TXNDC16: variants seen among roughly 807,000 people sequenced by gnomAD.
TXNDC16 encodes thioredoxin domain containing 16.
TXNDC16 carries 74 observed loss-of-function variants against 85.6 expected under a neutral mutation model. The ratio of observed to expected loss-of-function variants is 0.86; its 90% CI spans 0.72 to 1.05. The LOEUF (loss-of-function observed/expected upper bound fraction) is 1.05. Among genes scored for constraint, TXNDC16 ranks in the 50% least tolerant of loss-of-function variants. The pLI, the probability that TXNDC16 is intolerant of heterozygous loss-of-function variation, is 0.00. For synonymous variants in TXNDC16, 335 were observed against 326.5 expected, an observed-to-expected ratio of 1.03 and a Z score of -0.28; for missense variants, 959 against 947.0, an observed-to-expected ratio of 1.01 and a Z score of -0.17.
intron 7 of TXNDC16, among the ~76,000 whole-genome samples, chr14:52,518,688 A>T (rs2037140347): frequency 6.6e-6 from 1 of 152,156 alleles, no homozygotes; most frequent in Non-Finnish European, 1.5e-5. Context: ...AAGTTAGTCA[A>T]CATTATTTAC....
At chr14:52,455,264 C>A in intron 18 of TXNDC16, 60 bp downstream of exon 18, 1 of 1,585,928 alleles carries the variant, frequency 6.3e-7, no homozygotes, top group Non-Finnish European at 8.6e-7. Flanking sequence ...TGAACATATA[C>A]TACCTTTGAC....
intron 14 of TXNDC16, among the ~76,000 whole-genome samples, chr14:52,479,736 A>G (rs2036103479): frequency 6.6e-6 from 1 of 152,096 alleles, no homozygotes; most frequent in South Asian, 2.1e-4. Flanking sequence ...TGTGAAAATG[A>G]CCATACTGCC....
intron 5 of TXNDC16, among the ~76,000 whole-genome samples, chr14:52,537,291 T>C (rs1433339155): frequency 1.3e-5 from 2 of 152,162 alleles, no homozygotes; most frequent in Non-Finnish European, 2.9e-5. Context: ...CACACCCAAA[T>C]GTGGACCTGA....
chr14:52,497,044 T>C (rs557228115), intron 9 of TXNDC16, among the ~76,000 whole-genome samples: 133 of 152,166 alleles, frequency 8.7e-4, no homozygotes, highest in African/African-American at 2.7e-3. Flanking sequence ...TAGAAATTAG[T>C]ATAAGAGTAG....
rs1041847901 is a variant in TXNDC16, at chr14:52,432,515, G to A, written c.2267C>T (p.Thr756Ile). 2 of 1,613,854 alleles carry A rather than the reference G, an allele frequency of 1.2e-6. No individual in the cohort carries two copies. Among genetic ancestry groups the A allele is most frequent in the Middle Eastern group, 1.6e-4 (1 of 6,080 alleles). ...AACTTTCCTAGTGCCACGTTGAGAT[G>A]TTGCGGCATCTATCATACTTAGAAA... ...YDFLSMIDAA[T>I]SQRGTRKVPK... The change falls in exon 21 of 21, where the codon ACA (threonine) becomes ATA (isoleucine). Residue 756 changes from threonine (T) to isoleucine (I), a missense_variant. By Grantham distance (89) the Thr-to-Ile change is moderately conservative. Transcript: ENST00000281741.
chr14:52,456,752 A>G (rs1015902862), intron 17 of TXNDC16, among the ~76,000 whole-genome samples: 1 of 152,190 alleles, frequency 6.6e-6, no homozygotes, highest in Non-Finnish European at 1.5e-5. Flanking sequence ...GGGGGTAAAT[A>G]AAACCTCAGA....
intron 8 of TXNDC16, among the ~76,000 whole-genome samples, chr14:52,511,631 T>C (rs1430708110): frequency 1.3e-5 from 2 of 152,162 alleles, no homozygotes; most frequent in African/African-American, 4.8e-5. Flanking sequence ...TTTTTTTGCT[T>C]ACCTCTTTAA....
intron 16 of TXNDC16, among the ~76,000 whole-genome samples, chr14:52,460,183 T>C (rs2035620944): frequency 1.3e-5 from 2 of 152,138 alleles, no homozygotes; most frequent in South Asian, 4.1e-4. Context: ...GAGACCAGCC[T>C]GGGTAACACG....
At chr14:52,506,335 G>A (rs1270738113) in intron 9 of TXNDC16, among the ~76,000 whole-genome samples, 2 of 152,022 alleles carry the variant, frequency 1.3e-5, no homozygotes, top group African/African-American at 4.8e-5. Context: ...ATAAAATACT[G>A]GCAAACCAAA....
rs148298704 is a variant in TXNDC16 at position 52,436,824 on chromosome 14, C to T, written c.2194+2380G>A. 3.6e-3 allele frequency among the ~76,000 whole-genome samples: 543 copies of T among 151,880 alleles called. 1 individual carries two copies. Among genetic ancestry groups the T allele is most frequent in the Non-Finnish European group, 5.2e-3 (352 of 67,956 alleles). On this transcript the variant is annotated intron_variant, in intron 20 of 20. Coordinates refer to ENST00000281741, the MANE Select transcript of TXNDC16 (RefSeq NM_020784.3). ...ACCAGAGTGTATGTGTATATACATA[C>T]GTACACACATACATACATATTTACA...
intron 16 of TXNDC16, among the ~76,000 whole-genome samples, chr14:52,459,246 G>A (rs939848165): frequency 6.6e-6 from 1 of 151,970 alleles, no homozygotes; most frequent in Admixed American, 6.6e-5. Flanking sequence ...CTGTCAGCAG[G>A]GAGAGCTGAG....
At chr14:52,502,918 G>C (rs1046057370) in intron 9 of TXNDC16, among the ~76,000 whole-genome samples, 2 of 152,226 alleles carry the variant, frequency 1.3e-5, no homozygotes, top group Non-Finnish European at 2.9e-5. Flanking sequence ...TGGCACACAA[G>C]GAGATTATAT....
At chr14:52,495,331 G>T (rs150782582) in intron 9 of TXNDC16, among the ~76,000 whole-genome samples, 29 of 152,280 alleles carry the variant, frequency 1.9e-4, no homozygotes, top group African/African-American at 6.0e-4. Flanking sequence ...CTTCTCCTCA[G>T]GCTGCTTAGT....
intron 5 of TXNDC16, among the ~76,000 whole-genome samples, chr14:52,537,230 C>T (rs1212352531): frequency 6.6e-6 from 1 of 152,140 alleles, no homozygotes; most frequent in Non-Finnish European, 1.5e-5. Flanking sequence ...GTAGATCAAA[C>T]CCAAGTGCAG....
At position 52,458,635 on chromosome 14, in the gene TXNDC16, A is replaced by G. The variant is rs187505099; in HGVS notation, c.1619-1461T>C. On this transcript the variant is annotated intron_variant, in intron 16 of 20. Coordinates refer to ENST00000281741, the MANE Select transcript of TXNDC16 (RefSeq NM_020784.3). The stretch of plus-strand genomic sequence containing the variant: ...TGCTACATCAAAGTAGAAAAGACAC[A>G]TGAGATTATAAACTAGAAAGGACTG... Among the ~76,000 whole-genome samples the G allele has an allele frequency of 2.6e-5, 4 of 152,348 alleles. No homozygotes were observed. In the East Asian group the frequency reaches 7.7e-4, roughly 29 times the overall value.
chr14:52,437,625 T>A (rs755378145), intron 20 of TXNDC16, among the ~76,000 whole-genome samples: 3 of 151,952 alleles, frequency 2.0e-5, no homozygotes, highest in Non-Finnish European at 2.9e-5. Context: ...TGTAAAAAGA[T>A]AACCCACAGA....
chr14:52,510,347 C>A (rs1007722012), intron 9 of TXNDC16, among the ~76,000 whole-genome samples: 1 of 152,184 alleles, frequency 6.6e-6, no homozygotes, highest in African/African-American at 2.4e-5. Flanking sequence ...CCTTAAGGAG[C>A]CCTCTACTGA....
At chr14:52,464,554 T>C (rs1399528319) in intron 16 of TXNDC16, among the ~76,000 whole-genome samples, 1 of 152,166 alleles carries the variant, frequency 6.6e-6, no homozygotes, top group Non-Finnish European at 1.5e-5. Flanking sequence ...GCAAAAACAT[T>C]CAAAAGGGAA....
At chr14:52,532,314 T>C (rs1396992492) in intron 6 of TXNDC16, among the ~76,000 whole-genome samples, 1 of 152,098 alleles carries the variant, frequency 6.6e-6, no homozygotes, top group Non-Finnish European at 1.5e-5. Context: ...CACAGTGTGA[T>C]ATAATTGCAC....
Sources: gnomAD v4.1 joint callset for allele counts (sites outside exome capture counted in the v4.1 genomes callset) on GRCh38, gnomAD v4.1.1 for gene constraint, MANE v1.5 for transcripts, NCBI Gene and HGNC (gene_info 2026-07-23, HGNC 2026-07-21) for gene names.